AMY2B: variants seen among roughly 807,000 people sequenced by gnomAD.
The protein encoded by AMY2B is amylase alpha 2B.
In AMY2B, 63 loss-of-function variants were observed where a neutral mutation model predicts 59.3. That is an observed-to-expected ratio of 1.06 (90% CI 0.87 to 1.31). The LOEUF is 1.31. Ranked by LOEUF, AMY2B falls within the 50% of genes most tolerant of loss-of-function variation. The probability of loss-of-function intolerance (pLI) is 0.00; values close to 1 mark genes in which losing one functional copy is unlikely to be tolerated. For synonymous variants in AMY2B, 180 were observed against 198.1 expected (o/e 0.91, Z 0.77); for missense variants, 635 against 626.7 (o/e 1.01, Z -0.14).
intron 3 of AMY2B, 120 bp from the exon 4 acceptor site, chr1:103,573,588 A>G (rs754383029): frequency 7.5e-5 from 109 of 1,455,852 alleles, no homozygotes; most frequent in Non-Finnish European, 7.2e-5. Context: ...CCAGCGCCCA[A>G]TGCAAGGAAG....
intron 1 of AMY2B, among the ~76,000 whole-genome samples, chr1:103,555,791 G>C (rs577873552): frequency 6.6e-6 from 1 of 152,236 alleles, no homozygotes; most frequent in East Asian, 1.9e-4. Flanking sequence ...TGAGAAATGG[G>C]TTGTTAATGG....
At chr1:103,559,318 C>G (rs1319355040) in intron 1 of AMY2B, among the ~76,000 whole-genome samples, 1 of 152,110 alleles carries the variant, frequency 6.6e-6, no homozygotes, top group Non-Finnish European at 1.5e-5. Flanking sequence ...CAATAACATG[C>G]CTTACAGGTT....
chr1:103,576,996 G>T (rs1416289913), intron 7 of AMY2B, among the ~76,000 whole-genome samples: 1 of 152,176 alleles, frequency 6.6e-6, no homozygotes, highest in East Asian at 1.9e-4. Context: ...AGCACTTGGC[G>T]AGTCCAGGCG....
intron 1 of AMY2B, among the ~76,000 whole-genome samples, chr1:103,557,148 GCGCA>G (rs1288475098): frequency 6.7e-6 from 1 of 149,750 alleles, no homozygotes; most frequent in African/African-American, 2.5e-5. Flanking sequence ...GCGTGCGCGC[GCGCA>G]CACACACACA....
upstream of AMY2B, chr1:103,570,136 G>C (rs547317051): frequency 6.7e-6 from 3 of 446,722 alleles, no homozygotes; most frequent in African/African-American, 6.1e-5. Context: ...CCTTACCAAG[G>C]TTGGCTATAG....
chr1:103,575,434 C>T lies in AMY2B; in HGVS notation c.1002-7C>T, dbSNP rs778146000. On this transcript the variant is annotated splice_region_variant and splice_polypyrimidine_tract_variant and intron_variant, in intron 6 of 9. Coordinates refer to ENST00000684275, the MANE Select transcript of AMY2B (RefSeq NM_001387437.1). Reference sequence around the variant, plus strand: ...ATTCTGTGATAATATAATTATGTAACTTTCAGGCTGTATAAAATGGCAGTT... The same window carrying T: ...ATTCTGTGATAATATAATTATGTAATTTTCAGGCTGTATAAAATGGCAGTT... The T allele has an allele frequency of 6.2e-7, 1 of 1,613,404 alleles. No homozygotes were observed. The highest frequency in any genetic ancestry group is 1.1e-5 in the South Asian group (1 of 90,986).
At chr1:103,574,627 T>A (rs1652273185) in intron 5 of AMY2B, among the ~76,000 whole-genome samples, 1 of 152,146 alleles carries the variant, frequency 6.6e-6, no homozygotes, top group Admixed American at 6.6e-5. Context: ...TCCGTCTAAG[T>A]ACGAGATGAA....
At chr1:103,555,540 A>G (rs1312764350) in intron 1 of AMY2B, among the ~76,000 whole-genome samples, 2 of 152,106 alleles carry the variant, frequency 1.3e-5, no homozygotes, top group Admixed American at 1.3e-4. Context: ...TGTTCCCCCA[A>G]ATCTTTCATC....
Position 103,579,497 on chromosome 1 carries a change from A to G in AMY2B, c.1533A>G (p.Leu511=), listed in dbSNP as rs774097810. 1.9e-6 allele frequency: 3 copies of G among 1,608,890 alleles called. No individual in the cohort carries two copies. Among genetic ancestry groups the G allele is most frequent in the Non-Finnish European group, 2.5e-6 (3 of 1,178,950 alleles). Residue 511 remains leucine, a synonymous_variant, in exon 10 of 10, where the codon TTA becomes TTG. Transcript: ENST00000684275. ...PFIAIHAESK[L] ...TTGCAATTCATGCTGAATCTAAATT[A>G]TAAAATTTAAAATTAAATGCATATC...
At chr1:103,576,011 A>T (rs1448998304) in intron 7 of AMY2B, among the ~76,000 whole-genome samples, 2 of 152,210 alleles carry the variant, frequency 1.3e-5, no homozygotes, top group Non-Finnish European at 2.9e-5. Flanking sequence ...AGGGAAAAGT[A>T]TCTAATAAGA....
intron 4 of AMY2B, 131 bp from the exon 5 acceptor site, chr1:103,574,129 A>G: frequency 6.8e-7 from 1 of 1,480,934 alleles, no homozygotes; most frequent in East Asian, 2.5e-5. Context: ...GACAAAAAGA[A>G]ATAATAAATA....
chr1:103,559,946 A>G (rs1651681189), intron 1 of AMY2B, among the ~76,000 whole-genome samples: 1 of 152,202 alleles, frequency 6.6e-6, no homozygotes. Flanking sequence ...CTATGTGTAA[A>G]CATGTATACA....
chr1:103,569,903 A>G (rs894263690), upstream of AMY2B: 1 of 463,718 alleles, frequency 2.2e-6, no homozygotes, highest in South Asian at 1.8e-5. Context: ...CAACAGAGAG[A>G]AGATGACTCA....
chr1:103,572,254 G>A lies in AMY2B; in HGVS notation c.313G>A (p.Gly105Arg), dbSNP rs1652165201. 6.2e-7 allele frequency: 1 copy of A among 1,609,186 alleles called. No individual in the cohort carries two copies. The highest frequency in any genetic ancestry group is 1.7e-5 in the Admixed American group (1 of 59,834). ...CATGGTGACTAGATGTAACAATGTTGGGGTAAGTGAATTCTAGTTTCCTTG... is the reference window on the plus strand; with the variant it reads ...CATGGTGACTAGATGTAACAATGTTAGGGTAAGTGAATTCTAGTTTCCTTG... ...RNMVTRCNNV[G>R]VRIYVDAVIN... is the part of the protein sequence containing the mutation. The change falls in exon 2 of 10, where the codon GGG (glycine) becomes AGG (arginine). Residue 105 changes from glycine (G) to arginine (R), a missense_variant and splice_region_variant. Gly to Arg is a moderately radical substitution (Grantham distance 125, BLOSUM62 -2). Coordinates refer to ENST00000684275, the MANE Select transcript of AMY2B (RefSeq NM_001387437.1).
intron 5 of AMY2B, among the ~76,000 whole-genome samples, chr1:103,574,939 T>C: frequency 2.0e-5 from 3 of 151,434 alleles, no homozygotes; most frequent in Middle Eastern, 6.9e-3. Flanking sequence ...ATATTTGTAA[T>C]ATGAATATAA....
Position 103,575,291 on chromosome 1 carries a change from A to G in AMY2B, c.947A>G (p.Asn316Ser), listed in dbSNP as rs751380783. The G allele has an allele frequency of 3.1e-6, 5 of 1,613,680 alleles. No homozygotes were observed. Among genetic ancestry groups the G allele is most frequent in the Non-Finnish European group, 4.2e-6 (5 of 1,179,708 alleles). ...RALVFVDNHD[N>S]QRGHGAGGAS... ...CTTGTCTTTGTGGATAACCATGACA[A>G]TCAACGAGGACATGGGGCTGGAGGA... Residue 316 changes from asparagine to serine, a missense_variant, in exon 6 of 10, where the codon AAT becomes AGT. By Grantham distance (46) the Asn-to-Ser change is conservative. Coordinates refer to ENST00000684275, the MANE Select transcript of AMY2B (RefSeq NM_001387437.1).
chr1:103,563,114 T>G (rs534600382), intron 1 of AMY2B, among the ~76,000 whole-genome samples: 1 of 152,100 alleles, frequency 6.6e-6, no homozygotes, highest in Non-Finnish European at 1.5e-5. Context: ...ATTTTATTTT[T>G]TATATGAGCC....
At chr1:103,560,101 C>T (rs576676936) in intron 1 of AMY2B, among the ~76,000 whole-genome samples, 1 of 152,046 alleles carries the variant, frequency 6.6e-6, no homozygotes, top group South Asian at 2.1e-4. Flanking sequence ...TGTATATAGA[C>T]AATTAAAAAA....
chr1:103,577,636 C>G, intron 8 of AMY2B, 28 bp downstream of exon 8: 2 of 1,611,828 alleles, frequency 1.2e-6, no homozygotes, highest in South Asian at 1.1e-5. Flanking sequence ...GACATGTCCT[C>G]TAATAGTAAA....
Sources: allele counts gnomAD v4.1 joint callset (sites outside exome capture counted in the v4.1 genomes callset), GRCh38; gene constraint gnomAD v4.1.1; transcripts MANE v1.5; gene names NCBI Gene and HGNC (gene_info 2026-07-23, HGNC 2026-07-21).